Variants in DCC observed in about 807,000 individuals in gnomAD.
DCC encodes DCC netrin 1 receptor.
DCC carries 58 observed loss-of-function variants against 172.5 expected under a neutral mutation model. The ratio of observed to expected loss-of-function variants is 0.34; its 90% CI spans 0.27 to 0.42. The LOEUF (loss-of-function observed/expected upper bound fraction) is 0.42. Ranked by LOEUF, DCC falls within the 10% of genes least tolerant of loss-of-function variation. The pLI is 1.00. For missense variants in DCC, 1,740 were observed against 1,791.0 expected (o/e 0.97, Z 0.51); for synonymous variants, 709 against 644.5 (o/e 1.10, Z -1.52).
At chr18:52,696,476 A>G (rs2145023896) in intron 1 of DCC, among the ~76,000 whole-genome samples, 1 of 152,336 alleles carries the variant, frequency 6.6e-6, no homozygotes, top group East Asian at 1.9e-4. Context: ...ATCTTCATAA[A>G]AAACAACTGC....
At chr18:53,243,942 C>T (rs927676013) in intron 12 of DCC, among the ~76,000 whole-genome samples, 1 of 152,142 alleles carries the variant, frequency 6.6e-6, no homozygotes, top group Non-Finnish European at 1.5e-5. Context: ...TTTAACTTGA[C>T]AAATGCAATG....
At chr18:53,137,956 C>T (rs1026592575) in intron 7 of DCC, among the ~76,000 whole-genome samples, 39 of 151,598 alleles carry the variant, frequency 2.6e-4, no homozygotes, top group Non-Finnish European at 4.4e-5. Context: ...GCTGGGACTA[C>T]TGGTGCATGC....
At chr18:52,791,343 T>A (rs78363856) in intron 2 of DCC, among the ~76,000 whole-genome samples, 1 of 152,064 alleles carries the variant, frequency 6.6e-6, no homozygotes, top group African/African-American at 2.4e-5. Flanking sequence ...GGGGAGTGCA[T>A]GCTGAAGATG....
At chr18:53,044,461 G>A (rs147737839) in intron 5 of DCC, among the ~76,000 whole-genome samples, 12 of 151,778 alleles carry the variant, frequency 7.9e-5, no homozygotes, top group African/African-American at 1.4e-4. Flanking sequence ...GTGTGATGCC[G>A]TAGAAATAAG....
intron 8 of DCC, among the ~76,000 whole-genome samples, chr18:53,176,777 C>G (rs1387197302): frequency 9.2e-5 from 14 of 151,676 alleles, no homozygotes; most frequent in Admixed American, 3.9e-4. Context: ...GTGGCGATTC[C>G]TCAGGGATCT....
At chr18:53,088,861 T>A (rs2042961078) in intron 7 of DCC, among the ~76,000 whole-genome samples, 1 of 152,220 alleles carries the variant, frequency 6.6e-6, no homozygotes. Context: ...CATATAGTTC[T>A]CATTGTGAAT....
intron 11 of DCC, 44 bp downstream of exon 11, chr18:53,207,861 T>C (rs773440987): frequency 6.5e-6 from 10 of 1,537,526 alleles, no homozygotes; most frequent in Non-Finnish European, 8.1e-6. Flanking sequence ...TTTGACATAA[T>C]ATTGACAATA....
At chr18:53,511,276 G>A (rs1466550454) in intron 27 of DCC, among the ~76,000 whole-genome samples, 1 of 152,184 alleles carries the variant, frequency 6.6e-6, no homozygotes, top group African/African-American at 2.4e-5. Context: ...CAGCCTTTTG[G>A]AAAATGGTAG....
chr18:52,838,890 G>A (rs2038758136), intron 2 of DCC, among the ~76,000 whole-genome samples: 1 of 152,204 alleles, frequency 6.6e-6, no homozygotes, highest in Admixed American at 6.5e-5. Flanking sequence ...GATCTTAGAA[G>A]ATAGGTGATT....
At chr18:52,360,608 A>G (rs1185775439) in intron 1 of DCC, among the ~76,000 whole-genome samples, 1 of 152,222 alleles carries the variant, frequency 6.6e-6, no homozygotes, top group African/African-American at 2.4e-5. Context: ...TTAAGTTGGC[A>G]TTTGTGAGCA....
intron 5 of DCC, among the ~76,000 whole-genome samples, chr18:52,925,576 T>C (rs533778327): frequency 1.7e-4 from 26 of 152,148 alleles, no homozygotes; most frequent in African/African-American, 6.3e-4. Context: ...AAAATCCAGA[T>C]ATATTATGCT....
intron 1 of DCC, among the ~76,000 whole-genome samples, chr18:52,432,012 C>T (rs1304878173): frequency 6.6e-6 from 1 of 152,156 alleles, no homozygotes; most frequent in Non-Finnish European, 1.5e-5. Context: ...GCTGATTCTT[C>T]TTCCTCCTAT....
intron 7 of DCC, among the ~76,000 whole-genome samples, chr18:53,141,866 C>T (rs1184403909): frequency 6.6e-6 from 1 of 152,168 alleles, no homozygotes; most frequent in Non-Finnish European, 1.5e-5. Context: ...ATCCTTGATA[C>T]TGTGACCAGT....
chr18:53,100,819 G>C (rs556541922), intron 7 of DCC, among the ~76,000 whole-genome samples: 1 of 152,076 alleles, frequency 6.6e-6, no homozygotes, highest in South Asian at 2.1e-4. Flanking sequence ...AGGAAAGCTT[G>C]CAAAAAAAAT....
chr18:52,459,712 G>A (rs954476623), intron 1 of DCC, among the ~76,000 whole-genome samples: 2 of 151,822 alleles, frequency 1.3e-5, no homozygotes, highest in Non-Finnish European at 2.9e-5. Flanking sequence ...CTCGTGATAT[G>A]CCCGCCTCAG....
intron 1 of DCC, among the ~76,000 whole-genome samples, chr18:52,370,366 G>A (rs913593816): frequency 6.6e-6 from 1 of 152,140 alleles, no homozygotes; most frequent in South Asian, 2.1e-4. Context: ...AGAAAATGTG[G>A]TACATATACA....
chr18:52,808,926 G>T (rs1216908254), intron 2 of DCC, among the ~76,000 whole-genome samples: 1 of 152,106 alleles, frequency 6.6e-6, no homozygotes, highest in Non-Finnish European at 1.5e-5. Flanking sequence ...TTCTTAAACT[G>T]TAAATTTTTG....
intron 2 of DCC, among the ~76,000 whole-genome samples, chr18:52,794,379 A>G (rs2037832836): frequency 6.6e-6 from 1 of 151,978 alleles, no homozygotes. Flanking sequence ...ATCCTTGGTT[A>G]AATTTATTAC....
intron 19 of DCC, among the ~76,000 whole-genome samples, chr18:53,404,723 T>G (rs1345305885): frequency 6.8e-6 from 1 of 146,622 alleles, no homozygotes; most frequent in African/African-American, 2.5e-5. Flanking sequence ...AGAGTAAGAC[T>G]CCGTCTCAAA....
Sources: gnomAD v4.1 joint callset for allele counts (sites outside exome capture counted in the v4.1 genomes callset) on GRCh38, gnomAD v4.1.1 for gene constraint, MANE v1.5 for transcripts, NCBI Gene and HGNC (gene_info 2026-07-23, HGNC 2026-07-21) for gene names.